The following KDM5A variants were observed in gnomAD, a reference collection of about 807,000 sequenced individuals.
The protein encoded by KDM5A is lysine-specific demethylase 5A.
A neutral mutation model predicts 193.5 loss-of-function variants in KDM5A; 42 were observed. The observed-to-expected ratio is 0.22, with a 90% CI of 0.17 to 0.28. KDM5A has a LOEUF of 0.28. Among genes scored for constraint, KDM5A ranks in the 10% least tolerant of loss-of-function variants. KDM5A has a pLI of 1.00. For synonymous variants in KDM5A, 796 were observed against 718.1 expected, an observed-to-expected ratio of 1.11 and a Z score of -1.73; for missense variants, 1,692 against 2,055.1, an observed-to-expected ratio of 0.82 and a Z score of 3.42.
At chr12:340,341 G>A (rs901028715) in intron 10 of KDM5A, among the ~76,000 whole-genome samples, 1 of 152,150 alleles carries the variant, frequency 6.6e-6, no homozygotes, top group East Asian at 1.9e-4. Flanking sequence ...GCCAAGCCTT[G>A]AAGAGACTGT....
chr12:333,027 G>A (rs557394254), intron 12 of KDM5A: 15 of 203,264 alleles, frequency 7.4e-5, no homozygotes, highest in East Asian at 2.4e-4. Context: ...TGCAGAGTAC[G>A]AATTCTAATT....
intron 10 of KDM5A, among the ~76,000 whole-genome samples, chr12:339,854 T>C (rs1432212060): frequency 1.3e-5 from 2 of 151,566 alleles, no homozygotes; most frequent in Non-Finnish European, 2.9e-5. Flanking sequence ...CAATAAGATA[T>C]TGCAGATATT....
chr12:315,327 A>G (rs925421339), intron 19 of KDM5A, among the ~76,000 whole-genome samples: 1 of 152,222 alleles, frequency 6.6e-6, no homozygotes, highest in Non-Finnish European at 1.5e-5. Context: ...TAATCCCAGC[A>G]CTTTGGGAGG....
intron 27 of KDM5A, among the ~76,000 whole-genome samples, chr12:289,215 A>G (rs1162243725): frequency 6.6e-6 from 1 of 152,172 alleles, no homozygotes; most frequent in Non-Finnish European, 1.5e-5. Context: ...TAAAATTATT[A>G]AATATTTATT....
intron 22 of KDM5A, 130 bp from the exon 23 acceptor site, chr12:308,135 T>G: frequency 5.2e-4 from 451 of 862,834 alleles, no homozygotes; most frequent in Non-Finnish European, 7.1e-4. Flanking sequence ...GTGGGGCCCC[T>G]GGCGGTTTCC....
chr12:334,883 G>A (rs74055644), intron 10 of KDM5A, among the ~76,000 whole-genome samples: 3,165 of 151,258 alleles, frequency 0.021, 95 homozygotes, highest in African/African-American at 0.072. Context: ...GAAAGTCACC[G>A]CCATCACTCC....
In KDM5A at chr12:307,566, A is replaced by C; in HGVS notation, c.3818T>G (p.Leu1273Arg). The C allele has an allele frequency of 2.5e-6, 4 of 1,614,134 alleles. No homozygotes were observed. Among genetic ancestry groups the C allele is most frequent in the Non-Finnish European group, 3.4e-6 (4 of 1,180,010 alleles). Residue 1273 changes from leucine to arginine, a missense_variant, in exon 23 of 28, where the codon CTG (leucine) becomes CGG (arginine). Coordinates refer to ENST00000399788, the MANE Select transcript of KDM5A (RefSeq NM_001042603.3). This position sits in a 1 kb window ranked among gnomAD's most constrained non-coding sequence, Gnocchi z 4.3. ...ALATDELSSA[L>R]AKLSVLSQRM... ...CTGGCTCAACACAGATAGTTTGGCC[A>C]GGGCAGAGGATAGTTCATCTGTGGC... is the stretch of plus-strand genomic sequence containing the variant.
rs373048875 is a variant in KDM5A at position 308,138 on chromosome 12, C to T, written c.3379-133G>A. On this transcript the variant is annotated intron_variant, in intron 22 of 27. Coordinates refer to ENST00000399788, the MANE Select transcript of KDM5A (RefSeq NM_001042603.3). ...GTTTCCTAAAATGTGGGGCCCCTGG[C>T]GGTTTCCATGCAAACATTCCTCAAG... 2.3e-5 allele frequency: 21 copies of T among 897,698 alleles called. No homozygotes were observed. The African/African-American group carries it at 2.7e-4, about 11-fold the overall frequency. The allele number at this position is 897,698 out of a possible 1,614,324, so 55.6% of individuals were successfully genotyped here. A position where few individuals can be genotyped will look rare whatever the true frequency, so the allele number is the denominator to read the frequency against.
chr12:388,886 C>G, intron 1 of KDM5A, 41 bp downstream of exon 1: 2 of 1,605,680 alleles, frequency 1.2e-6, no homozygotes, highest in Non-Finnish European at 1.7e-6. Flanking sequence ...CGGACTCCCC[C>G]ATTCTTCCTT....
chr12:303,653 T>C (rs559201844), intron 24 of KDM5A, among the ~76,000 whole-genome samples: 90 of 149,868 alleles, frequency 6.0e-4, no homozygotes, highest in Non-Finnish European at 7.9e-4. Context: ...TAAAGTATAA[T>C]ACAAAAAAAA....
At chr12:384,981 G>A (rs997260088) in intron 2 of KDM5A, among the ~76,000 whole-genome samples, 5 of 152,128 alleles carry the variant, frequency 3.3e-5, no homozygotes, top group African/African-American at 9.7e-5. Flanking sequence ...CCTGAGGTCA[G>A]GAGTTCCAGA....
intron 5 of KDM5A, among the ~76,000 whole-genome samples, chr12:358,766 A>G (rs2137461130): frequency 1.3e-5 from 2 of 152,118 alleles, no homozygotes; most frequent in Middle Eastern, 6.8e-3. Flanking sequence ...AAGGTCCGTA[A>G]TTCAAGACCA....
At chr12:328,644 T>C (rs537832156) in intron 14 of KDM5A, among the ~76,000 whole-genome samples, 191 bp downstream of exon 14, 2 of 152,320 alleles carry the variant, frequency 1.3e-5, no homozygotes, top group East Asian at 1.9e-4. Flanking sequence ...AACCTAGAGA[T>C]GACAAGATTC....
chr12:340,621 G>C (rs1420348512), intron 10 of KDM5A, among the ~76,000 whole-genome samples: 5 of 150,242 alleles, frequency 3.3e-5, no homozygotes, highest in Non-Finnish European at 7.4e-5. Context: ...CTTGAACCCG[G>C]GAGGCAGAGG....
intron 24 of KDM5A, 185 bp downstream of exon 24, chr12:306,760 AT>A: frequency 4.7e-6 from 3 of 634,002 alleles, no homozygotes; most frequent in Non-Finnish European, 5.4e-6. Flanking sequence ...AAAAAAAAAA[AT>A]TGTTTCAGCA....
At chr12:325,665 C>A (rs1242163603) in intron 14 of KDM5A, among the ~76,000 whole-genome samples, 1 of 151,880 alleles carries the variant, frequency 6.6e-6, no homozygotes, top group Non-Finnish European at 1.5e-5. Flanking sequence ...CAGAGTGAGA[C>A]CCTGTCTCAA....
chr12:282,313 A>T lies in KDM5A; in HGVS notation c.*3143T>A, dbSNP rs1437276830. On this transcript the variant is annotated 3_prime_UTR_variant, in exon 28 of 28. Transcript: ENST00000399788. Reference sequence around the variant, plus strand: ...CCTGGCTGCCATGTTTTTTATTATTAAAGTACATTATGGGTAATCACAGGT... The same window carrying T: ...CCTGGCTGCCATGTTTTTTATTATTTAAGTACATTATGGGTAATCACAGGT... The T allele has an allele frequency of 4.3e-6, 1 of 233,426 alleles. No homozygotes were observed. Among genetic ancestry groups the T allele is most frequent in the Non-Finnish European group, 8.5e-6 (1 of 118,234 alleles). The allele number at this position is 233,426 out of a possible 1,614,324, so 14.5% of individuals were successfully genotyped here.
At position 377,359 on chromosome 12, in the gene KDM5A, G is replaced by A. The variant is rs183772091; in HGVS notation, c.366+6672C>T. The stretch of plus-strand genomic sequence containing the variant: ...ACAGGAAAAATTAGAAGAATTGAAA[G>A]AAATGAGTTATCAGATTAGAAAGGT... On this transcript the variant is annotated intron_variant, in intron 3 of 27. Transcript: ENST00000399788. 2.7e-3 allele frequency among the ~76,000 whole-genome samples: 414 copies of A among 152,020 alleles called. 2 individuals carry two copies. The highest frequency in any genetic ancestry group is 9.6e-3 in the African/African-American group (397 of 41,488).
intron 9 of KDM5A, among the ~76,000 whole-genome samples, chr12:351,438 T>C (rs1469202156): frequency 6.6e-6 from 1 of 152,188 alleles, no homozygotes; most frequent in Admixed American, 6.5e-5. Flanking sequence ...ATGTGCCACA[T>C]TTTCTTCATC....
Sources: allele counts gnomAD v4.1 joint callset (sites outside exome capture counted in the v4.1 genomes callset), GRCh38; gene constraint gnomAD v4.1.1; non-coding constraint Gnocchi (gnomAD v3.1); transcripts MANE v1.5; gene names NCBI Gene and HGNC (gene_info 2026-07-23, HGNC 2026-07-21).